The following NFIC variants were observed in gnomAD, a reference collection of about 807,000 sequenced individuals.
NFIC encodes nuclear factor I C, also known as nuclear factor 1 C-type.
A neutral mutation model predicts 54.4 loss-of-function variants in NFIC; 12 were observed. The observed-to-expected ratio is 0.22, with a 90% CI of 0.14 to 0.36. The LOEUF (loss-of-function observed/expected upper bound fraction) is 0.36. NFIC is among the 10% of genes least tolerant of loss of function. The probability of loss-of-function intolerance (pLI) is 1.00; values close to 1 mark genes in which losing one functional copy is unlikely to be tolerated. For synonymous variants in NFIC, 322 were observed against 319.2 expected, an observed-to-expected ratio of 1.01 and a Z score of -0.09; for missense variants, 575 against 718.2, an observed-to-expected ratio of 0.80 and a Z score of 2.28.
At chr19:3,386,869 C>T (rs2081305000) in intron 2 of NFIC, among the ~76,000 whole-genome samples, 1 of 152,214 alleles carries the variant, frequency 6.6e-6, no homozygotes, top group Non-Finnish European at 1.5e-5. Context: ...GTGAGGGCCC[C>T]ACAGGCTGAG....
At chr19:3,384,877 C>T (rs2081268299) in intron 2 of NFIC, among the ~76,000 whole-genome samples, 1 of 152,260 alleles carries the variant, frequency 6.6e-6, no homozygotes, top group Non-Finnish European at 1.5e-5. Context: ...AGGTTCTCAT[C>T]GTCACACAGG....
intron 2 of NFIC, among the ~76,000 whole-genome samples, chr19:3,383,625 G>A (rs2081247493): frequency 1.3e-5 from 2 of 152,174 alleles, no homozygotes; most frequent in Non-Finnish European, 2.9e-5. Flanking sequence ...CAAGACCTGA[G>A]TGGGTGCACA....
At chr19:3,392,938 ATTTTTAT>A (rs1292356010) in intron 2 of NFIC, among the ~76,000 whole-genome samples, 1 of 152,004 alleles carries the variant, frequency 6.6e-6, no homozygotes, top group Non-Finnish European at 1.5e-5. Context: ...TCCCATCTTT[ATTTTTAT>A]TTTTTATTTT....
chr19:3,368,796 C>G (rs1202113065), intron 1 of NFIC, among the ~76,000 whole-genome samples: 2 of 152,184 alleles, frequency 1.3e-5, no homozygotes, highest in Non-Finnish European at 2.9e-5. Context: ...CATGCAGGAG[C>G]CTCCCACCCA....
intron 2 of NFIC, chr19:3,410,723 C>A (rs2145567338): frequency 6.6e-6 from 1 of 152,292 alleles, no homozygotes; most frequent in Non-Finnish European, 1.5e-5. Flanking sequence ...GACTTTATCA[C>A]AGAACCTCTA....
At chr19:3,439,788 A>T (rs2082264342) in intron 6 of NFIC, among the ~76,000 whole-genome samples, 1 of 145,646 alleles carries the variant, frequency 6.9e-6, no homozygotes, top group Non-Finnish European at 1.5e-5. Context: ...TCCCGGGTTC[A>T]TGCCATTCTC....
At chr19:3,398,901 G>T (rs1303443616) in intron 2 of NFIC, among the ~76,000 whole-genome samples, 1 of 152,246 alleles carries the variant, frequency 6.6e-6, no homozygotes. Flanking sequence ...TAGGCGAGCT[G>T]CGGACTCCGC....
intron 2 of NFIC, among the ~76,000 whole-genome samples, chr19:3,406,395 A>AT (rs11362914): frequency 1.7e-4 from 24 of 142,210 alleles, no homozygotes; most frequent in East Asian, 6.0e-4. Context: ...TGCCCTGCCT[A>AT]TTTTTTTTTT....
chr19:3,425,057 G>A, intron 2 of NFIC, 49 bp from the exon 3 acceptor site: 10 of 1,597,648 alleles, frequency 6.3e-6, no homozygotes, highest in African/African-American at 2.7e-5. Context: ...ATCTGCTCCT[G>A]GGGTGGGGTC....
chr19:3,445,485 C>G (rs1206648634), intron 6 of NFIC, among the ~76,000 whole-genome samples: 1 of 152,202 alleles, frequency 6.6e-6, no homozygotes, highest in Non-Finnish European at 1.5e-5. Context: ...TTCCTGCCCC[C>G]CATGTGGGTG....
chr19:3,385,205 C>G (rs374973057), intron 2 of NFIC, among the ~76,000 whole-genome samples: 96 of 151,190 alleles, frequency 6.3e-4, no homozygotes, highest in Non-Finnish European at 1.2e-3. Context: ...GGGCACACCC[C>G]CCCCCAACCC....
intron 2 of NFIC, among the ~76,000 whole-genome samples, chr19:3,422,446 G>A (rs545642671): frequency 1.6e-4 from 24 of 151,512 alleles, no homozygotes; most frequent in Non-Finnish European, 2.8e-4. Flanking sequence ...GGCCGGGCGC[G>A]GTGGCTCACG....
At chr19:3,424,310 G>A (rs1194522089) in intron 2 of NFIC, among the ~76,000 whole-genome samples, 2 of 151,896 alleles carry the variant, frequency 1.3e-5, no homozygotes, top group Admixed American at 1.3e-4. Flanking sequence ...TTACAGGTGT[G>A]AGCCACCGTG....
intron 3 of NFIC, among the ~76,000 whole-genome samples, chr19:3,430,941 A>AAAAAAAAAAAAAAG (rs2082110685): frequency 6.6e-6 from 1 of 151,266 alleles, no homozygotes; most frequent in Admixed American, 6.6e-5. Flanking sequence ...CAAAAAAAAA[A>AAAAAAAAAAAAAAG]AAAAAGAAAA....
At chr19:3,441,102 A>T (rs1472980880) in intron 6 of NFIC, among the ~76,000 whole-genome samples, 1 of 152,006 alleles carries the variant, frequency 6.6e-6, no homozygotes, top group Non-Finnish European at 1.5e-5. Context: ...GAGCCACCAC[A>T]CCCGGCTGGC....
chr19:3,375,596 C>T lies in NFIC; in HGVS notation c.31-6116C>T, dbSNP rs867319318. ...GGCAGCGGAAAAGGGCCCTGAGGTCCGGTCCCCGCCGCAGCTGTTACGGTG... is the reference window on the plus strand; with the variant it reads ...GGCAGCGGAAAAGGGCCCTGAGGTCTGGTCCCCGCCGCAGCTGTTACGGTG... On this transcript the variant is annotated intron_variant, in intron 1 of 10. Coordinates refer to ENST00000443272, the MANE Select transcript of NFIC (RefSeq NM_001245002.2). The surrounding 1 kb of genome is among the most constrained non-coding windows in gnomAD (Gnocchi z 4.6). Among the ~76,000 whole-genome samples the T allele has an allele frequency of 1.3e-5, 2 of 152,186 alleles. No individual in the cohort carries two copies. The highest frequency in any genetic ancestry group is 1.9e-4 in the East Asian group (1 of 5,194).
intron 2 of NFIC, among the ~76,000 whole-genome samples, chr19:3,387,329 C>T (rs1220709910): frequency 6.6e-6 from 1 of 152,114 alleles, no homozygotes; most frequent in African/African-American, 2.4e-5. Context: ...TGGTGAAACC[C>T]CATCTCTACT....
intron 3 of NFIC, among the ~76,000 whole-genome samples, chr19:3,428,449 CAA>C (rs562591211): frequency 4.0e-5 from 5 of 125,706 alleles, no homozygotes; most frequent in Admixed American, 8.4e-5. Context: ...GAGACTGTCT[CAA>C]AAAAAAAAAA....
In NFIC at chr19:3,394,523, A is replaced by ACCCCCC. The variant is rs1387633539; in HGVS notation, c.562+12281_562+12286dup. Reference sequence around the variant, plus strand: ...GTATTTTATGATCTTTTCCCCACCCACCCCCCACCCGCTTACACTAAGTCT... The same window carrying ACCCCCC: ...GTATTTTATGATCTTTTCCCCACCCACCCCCCCCCCCCACCCGCTTACACTAAGTCT... On this transcript the variant is annotated intron_variant, in intron 2 of 10. Coordinates refer to ENST00000443272, the MANE Select transcript of NFIC (RefSeq NM_001245002.2). Among the ~76,000 whole-genome samples the ACCCCCC allele has an allele frequency of 6.3e-4, 32 of 51,122 alleles. 1 individual carries two copies. The highest frequency in any genetic ancestry group is 2.8e-3 in the East Asian group (3 of 1,058). 33.5% of individuals were successfully genotyped at this position (51,122 alleles called of 152,430 possible).
Sources: gnomAD v4.1 joint callset for allele counts (sites outside exome capture counted in the v4.1 genomes callset) on GRCh38, gnomAD v4.1.1 for gene constraint, Gnocchi (gnomAD v3.1) non-coding constraint, MANE v1.5 for transcripts, NCBI Gene and HGNC (gene_info 2026-07-23, HGNC 2026-07-21) for gene names.